The following ROBO2 variants were observed in gnomAD, a reference collection of about 807,000 sequenced individuals.
ROBO2 encodes the protein roundabout guidance receptor 2, also known as roundabout homolog 2.
Under a neutral mutation model 160.8 loss-of-function variants are expected in ROBO2, and 53 were observed. The ratio of observed to expected loss-of-function variants is 0.33; its 90% CI spans 0.26 to 0.41. The LOEUF (loss-of-function observed/expected upper bound fraction) is 0.41. Ranked by LOEUF, ROBO2 falls within the 10% of genes least tolerant of loss-of-function variation. The probability of loss-of-function intolerance (pLI) is 1.00; values close to 1 mark genes in which losing one functional copy is unlikely to be tolerated. For synonymous variants in ROBO2, 664 were observed against 611.7 expected (o/e 1.09, Z -1.26); for missense variants, 1,577 against 1,722.4 (o/e 0.92, Z 1.49).
intron 1 of ROBO2, among the ~76,000 whole-genome samples, chr3:77,055,266 G>A (rs1035998612): frequency 6.6e-6 from 1 of 152,150 alleles, no homozygotes; most frequent in South Asian, 2.1e-4. Context: ...ATATTATAAG[G>A]GATGGTCTTG....
At chr3:77,190,868 A>T (rs1185329618) in intron 2 of ROBO2, among the ~76,000 whole-genome samples, 1 of 152,056 alleles carries the variant, frequency 6.6e-6, no homozygotes, top group African/African-American at 2.4e-5. Context: ...AGAATGATGT[A>T]CAAGAATGGT....
At chr3:76,881,050 T>A (rs2073289886) in intron 2 of ROBO2, among the ~76,000 whole-genome samples, 1 of 152,216 alleles carries the variant, frequency 6.6e-6, no homozygotes, top group African/African-American at 2.4e-5. Context: ...GGCCATTAGC[T>A]GTGATGCTTA....
intron 2 of ROBO2, among the ~76,000 whole-genome samples, chr3:76,795,933 A>G (rs1038295437): frequency 2.0e-5 from 3 of 152,156 alleles, no homozygotes; most frequent in African/African-American, 7.2e-5. Flanking sequence ...TGGATATTGC[A>G]TTAGCAGGCA....
intron 2 of ROBO2, among the ~76,000 whole-genome samples, chr3:76,713,366 A>G (rs2093330741): frequency 6.6e-6 from 1 of 152,178 alleles, no homozygotes; most frequent in Non-Finnish European, 1.5e-5. Flanking sequence ...CCATACAATG[A>G]TTCCTTTATG....
chr3:77,311,728 T>A (rs2063555675), intron 2 of ROBO2, among the ~76,000 whole-genome samples: 1 of 152,226 alleles, frequency 6.6e-6, no homozygotes, highest in Non-Finnish European at 1.5e-5. Flanking sequence ...AATCTCTTTT[T>A]CATAATCATT....
At position 76,387,878 on chromosome 3, in the gene ROBO2, T is replaced by A. The variant is rs894596799; in HGVS notation, c.109+450276T>A. 4.6e-4 allele frequency among the ~76,000 whole-genome samples: 70 copies of A among 152,162 alleles called. 1 individual carries two copies. The highest frequency in any genetic ancestry group is 4.6e-3 in the Admixed American group (70 of 15,272). Reference sequence around the variant, plus strand: ...TTTAAGGTTGTTGCATTTCTTCCAATGAATTATGGGTTTTACTAGTAAGAC... The same window carrying A: ...TTTAAGGTTGTTGCATTTCTTCCAAAGAATTATGGGTTTTACTAGTAAGAC... On this transcript the variant is annotated intron_variant, in intron 2 of 26. Coordinates refer to the ROBO2 transcript ENST00000487694.
At chr3:76,373,844 C>T (rs1382441759) in intron 2 of ROBO2, among the ~76,000 whole-genome samples, 2 of 151,918 alleles carry the variant, frequency 1.3e-5, no homozygotes, top group Admixed American at 6.6e-5. Context: ...TTGCTGGGCT[C>T]ACTCGTGCTT....
At chr3:77,348,901 A>G (rs1392034133) in intron 2 of ROBO2, among the ~76,000 whole-genome samples, 1 of 151,688 alleles carries the variant, frequency 6.6e-6, no homozygotes, top group African/African-American at 2.4e-5. Context: ...TATCTTTTCC[A>G]ACAGATATTC....
At chr3:76,354,628 G>GA (rs1031170647) in intron 2 of ROBO2, among the ~76,000 whole-genome samples, 15 of 151,516 alleles carry the variant, frequency 9.9e-5, no homozygotes, top group African/African-American at 3.6e-4. Context: ...AATATCAAGT[G>GA]AAAAAAATCA....
chr3:76,630,167 G>C (rs926086583), intron 2 of ROBO2, among the ~76,000 whole-genome samples: 1 of 152,192 alleles, frequency 6.6e-6, no homozygotes, highest in African/African-American at 2.4e-5. Flanking sequence ...TGTAGAGTTT[G>C]CATGTTCTCT....
intron 2 of ROBO2, among the ~76,000 whole-genome samples, chr3:76,057,522 C>T (rs947487296): frequency 1.1e-4 from 16 of 152,128 alleles, no homozygotes; most frequent in African/African-American, 3.9e-4. Context: ...AGGGGTTGTG[C>T]TGCACACTTC....
intron 2 of ROBO2, among the ~76,000 whole-genome samples, chr3:76,026,401 T>C (rs1233364178): frequency 6.6e-6 from 1 of 151,948 alleles, no homozygotes; most frequent in African/African-American, 2.4e-5. Flanking sequence ...GAATAAGTTA[T>C]AAAATACTAT....
intron 2 of ROBO2, among the ~76,000 whole-genome samples, chr3:77,117,771 C>T (rs1193212722): frequency 6.6e-6 from 1 of 152,088 alleles, no homozygotes; most frequent in Non-Finnish European, 1.5e-5. Context: ...ATGTGATTAT[C>T]CCTAAGGCTT....
intron 2 of ROBO2, among the ~76,000 whole-genome samples, chr3:76,422,531 C>T (rs569393878): frequency 8.5e-5 from 13 of 152,284 alleles, no homozygotes; most frequent in African/African-American, 3.1e-4. Context: ...ATTAACCTCT[C>T]AGGTCACTGG....
At chr3:76,932,747 A>G (rs550953378) in intron 2 of ROBO2, among the ~76,000 whole-genome samples, 2 of 152,290 alleles carry the variant, frequency 1.3e-5, no homozygotes, top group African/African-American at 4.8e-5. Flanking sequence ...AAGACATGGA[A>G]AAAAATAACC....
chr3:76,377,104 A>T (rs914266158), intron 2 of ROBO2, among the ~76,000 whole-genome samples: 2 of 152,196 alleles, frequency 1.3e-5, no homozygotes, highest in African/African-American at 2.4e-5. Context: ...GGATACATCA[A>T]ATCTGTGAAA....
chr3:76,639,648 A>G (rs1255759657), intron 2 of ROBO2, among the ~76,000 whole-genome samples: 1 of 152,142 alleles, frequency 6.6e-6, no homozygotes, highest in Non-Finnish European at 1.5e-5. Context: ...ACAAGGCTCA[A>G]GAAGAATCAT....
intron 2 of ROBO2, among the ~76,000 whole-genome samples, chr3:77,162,571 A>G (rs753958344): frequency 1.3e-5 from 2 of 152,182 alleles, no homozygotes; most frequent in Non-Finnish European, 2.9e-5. Flanking sequence ...AAACTTACAT[A>G]ATGGAAACAG....
At chr3:76,851,076 A>G (rs2069296863) in intron 2 of ROBO2, among the ~76,000 whole-genome samples, 1 of 152,196 alleles carries the variant, frequency 6.6e-6, no homozygotes, top group South Asian at 2.1e-4. Context: ...GCTATTTCTT[A>G]AGAACCTGAG....
Sources: gnomAD v4.1 joint callset for allele counts (sites outside exome capture counted in the v4.1 genomes callset) on GRCh38, gnomAD v4.1.1 for gene constraint, MANE v1.5 for transcripts, NCBI Gene and HGNC (gene_info 2026-07-23, HGNC 2026-07-21) for gene names.